The following KCNT2 variants were observed in gnomAD, a reference collection of about 807,000 sequenced individuals.
The protein encoded by KCNT2 is potassium sodium-activated channel subfamily T member 2.
Under a neutral mutation model 153.8 loss-of-function variants are expected in KCNT2, and 67 were observed. The observed-to-expected ratio is 0.44, with a 90% CI of 0.36 to 0.53. The LOEUF is 0.53. Ranked by LOEUF, KCNT2 falls within the 20% of genes least tolerant of loss-of-function variation. KCNT2 has a pLI of 0.00. For synonymous variants in KCNT2, 500 were observed against 458.8 expected (o/e 1.09, Z -1.15); for missense variants, 975 against 1,354.8 (o/e 0.72, Z 4.40).
chr1:196,577,987 T>A (rs541051197), intron 1 of KCNT2, among the ~76,000 whole-genome samples: 45 of 151,574 alleles, frequency 3.0e-4, no homozygotes, highest in African/African-American at 1.1e-3. Context: ...AACGTGTAAT[T>A]TTTTTTTTAT....
At chr1:196,288,384 C>T (rs1358381549) in intron 22 of KCNT2, among the ~76,000 whole-genome samples, 2 of 152,018 alleles carry the variant, frequency 1.3e-5, no homozygotes, top group Non-Finnish European at 2.9e-5. Flanking sequence ...GGTTACCCTA[C>T]TTTGAAACCA....
chr1:196,432,497 C>T (rs1382794614), intron 8 of KCNT2, among the ~76,000 whole-genome samples: 2 of 152,060 alleles, frequency 1.3e-5, no homozygotes, highest in African/African-American at 2.4e-5. Context: ...TGGTAGGGGC[C>T]GACTCCTCCC....
At chr1:196,245,501 C>T (rs982446180) in intron 26 of KCNT2, among the ~76,000 whole-genome samples, 1 of 152,124 alleles carries the variant, frequency 6.6e-6, no homozygotes, top group Non-Finnish European at 1.5e-5. Flanking sequence ...TCTTGGAAAC[C>T]ACATCCTCAC....
intron 25 of KCNT2, among the ~76,000 whole-genome samples, chr1:196,271,085 T>C (rs1658022067): frequency 6.6e-6 from 1 of 151,862 alleles, no homozygotes; most frequent in South Asian, 2.1e-4. Context: ...CCTTATCCTT[T>C]GCAGCATCTG....
chr1:196,569,332 CT>C (rs754498884), intron 1 of KCNT2, among the ~76,000 whole-genome samples: 20 of 152,044 alleles, frequency 1.3e-4, no homozygotes, highest in Non-Finnish European at 2.6e-4. Context: ...AACACATTGT[CT>C]TTTTAAAATA....
At chr1:196,376,684 A>G (rs1344235512) in intron 13 of KCNT2, among the ~76,000 whole-genome samples, 1 of 151,984 alleles carries the variant, frequency 6.6e-6, no homozygotes, top group Non-Finnish European at 1.5e-5. Context: ...CTCTTGACAC[A>G]TTCAACTAAA....
At chr1:196,323,444 T>C (rs1024357164) in intron 19 of KCNT2, among the ~76,000 whole-genome samples, 2 of 151,872 alleles carry the variant, frequency 1.3e-5, no homozygotes, top group African/African-American at 4.8e-5. Context: ...GTAATCAAAA[T>C]ATTTAAAATC....
rs556716833 is a variant in KCNT2 at position 196,335,002 on chromosome 1, G to A, written c.1784-942C>T. Among the ~76,000 whole-genome samples the A allele has an allele frequency of 4.3e-4, 66 of 152,254 alleles. 1 individual carries two copies. In the South Asian group the frequency reaches 6.2e-3, roughly 14 times the overall value. ...TTATTGAATACTTGAGGCATTCAAGGAATAGAAGGCAGAAGAAGCAATTCC... is the reference window on the plus strand; with the variant it reads ...TTATTGAATACTTGAGGCATTCAAGAAATAGAAGGCAGAAGAAGCAATTCC... On this transcript the variant is annotated intron_variant, in intron 16 of 27. Transcript: ENST00000294725.
At chr1:196,382,579 G>A (rs953882576) in intron 13 of KCNT2, among the ~76,000 whole-genome samples, 12 of 152,154 alleles carry the variant, frequency 7.9e-5, no homozygotes, top group African/African-American at 2.9e-4. Context: ...TATTGCTGAG[G>A]TTGCTGATAG....
At chr1:196,464,584 C>T (rs997228017) in intron 8 of KCNT2, among the ~76,000 whole-genome samples, 4 of 151,836 alleles carry the variant, frequency 2.6e-5, no homozygotes, top group Non-Finnish European at 5.9e-5. Context: ...ACCCAGGTCA[C>T]AGCACAATTA....
intron 8 of KCNT2, among the ~76,000 whole-genome samples, chr1:196,453,166 G>T (rs1676367332): frequency 6.6e-6 from 1 of 151,898 alleles, no homozygotes; most frequent in Non-Finnish European, 1.5e-5. Flanking sequence ...TGGTGTGTGT[G>T]GAAGCCTGGC....
intron 9 of KCNT2, 103 bp from the exon 10 acceptor site, chr1:196,428,372 G>A: frequency 2.6e-6 from 2 of 756,568 alleles, no homozygotes; most frequent in Non-Finnish European, 4.4e-6. Context: ...TTCCTAGATG[G>A]AACTCATTGA....
At chr1:196,590,768 T>C (rs1371974294) in intron 1 of KCNT2, among the ~76,000 whole-genome samples, 4 of 152,178 alleles carry the variant, frequency 2.6e-5, no homozygotes, top group African/African-American at 9.6e-5. Context: ...CCACATTTTA[T>C]AGGTGTATTC....
chr1:196,561,503 A>C (rs1325230873), intron 1 of KCNT2, among the ~76,000 whole-genome samples: 1 of 151,470 alleles, frequency 6.6e-6, no homozygotes, highest in African/African-American at 2.4e-5. Context: ...ATGACTCCTA[A>C]GTTGTTGATA....
intron 2 of KCNT2, 132 bp from the exon 3 acceptor site, chr1:196,490,069 T>C (rs1679742391): frequency 2.3e-6 from 1 of 444,172 alleles, no homozygotes; most frequent in African/African-American, 2.1e-5. Flanking sequence ...TATAATTGTC[T>C]AAACTCTCTG....
At chr1:196,530,729 T>C (rs955391875) in intron 1 of KCNT2, among the ~76,000 whole-genome samples, 30 of 152,062 alleles carry the variant, frequency 2.0e-4, no homozygotes, top group African/African-American at 7.0e-4. Flanking sequence ...GCTAACAAAA[T>C]AAGAAACATC....
intron 25 of KCNT2, among the ~76,000 whole-genome samples, chr1:196,272,131 G>A (rs576787611): frequency 2.0e-5 from 3 of 152,064 alleles, no homozygotes; most frequent in African/African-American, 7.2e-5. Context: ...TTTAAACTCA[G>A]ATCATTGTGT....
At chr1:196,557,706 TAAA>T (rs944062769) in intron 1 of KCNT2, among the ~76,000 whole-genome samples, 5 of 151,246 alleles carry the variant, frequency 3.3e-5, no homozygotes, top group African/African-American at 1.2e-4. Flanking sequence ...TATGCAAAAA[TAAA>T]AGTATAGGAT....
chr1:196,481,125 C>G (rs1678988956), intron 4 of KCNT2, among the ~76,000 whole-genome samples: 1 of 151,980 alleles, frequency 6.6e-6, no homozygotes, highest in Non-Finnish European at 1.5e-5. Context: ...TAAAAAACAA[C>G]TTGACTTTAA....
Sources: allele counts gnomAD v4.1 joint callset (sites outside exome capture counted in the v4.1 genomes callset), GRCh38; gene constraint gnomAD v4.1.1; transcripts MANE v1.5; gene names NCBI Gene and HGNC (gene_info 2026-07-23, HGNC 2026-07-21).